The following TBC1D16 variants were observed in gnomAD, a reference collection of about 807,000 sequenced individuals.
The protein encoded by TBC1D16 is TBC1 domain family member 16.
Under a neutral mutation model 74.7 loss-of-function variants are expected in TBC1D16, and 58 were observed. The observed-to-expected ratio is 0.78, with a 90% CI of 0.63 to 0.97. The LOEUF (loss-of-function observed/expected upper bound fraction) is 0.97. Among genes scored for constraint, TBC1D16 ranks in the 50% least tolerant of loss-of-function variants. The pLI is 0.00. For synonymous variants in TBC1D16, 493 were observed against 474.7 expected, an observed-to-expected ratio of 1.04 and a Z score of -0.50; for missense variants, 1,014 against 1,079.5, an observed-to-expected ratio of 0.94 and a Z score of 0.85.
intron 3 of TBC1D16, among the ~76,000 whole-genome samples, chr17:79,955,019 G>A (rs1309319410): frequency 6.6e-6 from 1 of 152,108 alleles, no homozygotes; most frequent in Non-Finnish European, 1.5e-5. Context: ...GGCCGGAGCC[G>A]ATTTCAAACC....
At chr17:80,014,888 C>A (rs929613525) in intron 1 of TBC1D16, among the ~76,000 whole-genome samples, 2 of 152,208 alleles carry the variant, frequency 1.3e-5, no homozygotes, top group African/African-American at 2.4e-5. Context: ...AGGACACATT[C>A]ATGTGGGTAA....
At chr17:80,029,077 C>A (rs1453713681) in intron 1 of TBC1D16, among the ~76,000 whole-genome samples, 5 of 152,210 alleles carry the variant, frequency 3.3e-5, no homozygotes, top group Non-Finnish European at 1.5e-5. Context: ...AACTCCTCCA[C>A]CAGAGAGTCA....
chr17:79,979,574 C>T lies in TBC1D16; in HGVS notation c.780-26756G>A, dbSNP rs2034490090. Among the ~76,000 whole-genome samples the T allele has an allele frequency of 6.6e-6, 1 of 152,120 alleles. No homozygotes were observed. The highest frequency in any genetic ancestry group is 2.4e-5 in the African/African-American group (1 of 41,418). On this transcript the variant is annotated intron_variant, in intron 3 of 11. Coordinates refer to ENST00000310924, the MANE Select transcript of TBC1D16 (RefSeq NM_019020.4). The surrounding 1 kb of genome is among the most constrained non-coding windows in gnomAD (Gnocchi z 4.8). ...TTAGTATCCAAATACTTTTAGGGGA[C>T]AGAAAGACGCTCACGGTTCCTGTCG...
chr17:79,950,784 G>C lies in TBC1D16; in HGVS notation c.1090-206C>G, dbSNP rs1244969564. 1 of 1,536,144 alleles carries C rather than the reference G, an allele frequency of 6.5e-7. No individual in the cohort carries two copies. Among genetic ancestry groups the C allele is most frequent in the East Asian group, 2.4e-5 (1 of 40,918 alleles). On this transcript the variant is annotated intron_variant, in intron 5 of 11. Transcript: ENST00000310924. This position sits in a 1 kb window ranked among gnomAD's most constrained non-coding sequence, Gnocchi z 4.6. ...CATCTTAAAATCGGTTTCCCTCTGC[G>C]GCTCTCTCCTCCCCGGCCCACTGTG... is the stretch of plus-strand genomic sequence containing the variant.
In TBC1D16 at chr17:79,993,736, C is replaced by G. The variant is rs543619321; in HGVS notation, c.779+16424G>C. 1.3e-5 allele frequency: 2 copies of G among 152,368 alleles called. No homozygotes were observed. Among genetic ancestry groups the G allele is most frequent in the Admixed American group, 6.5e-5 (1 of 15,308 alleles). The allele number at this position is 152,368 out of a possible 1,614,324, so 9.4% of individuals were successfully genotyped here. ...ATCACTGCCTCTGGGAGCCCGTGAC[C>G]TCATGCTCAGAGCTCTCAGAAGCTC... On this transcript the variant is annotated intron_variant, in intron 3 of 11. Transcript: ENST00000310924. The surrounding 1 kb of genome is among the most constrained non-coding windows in gnomAD (Gnocchi z 5.1).
At position 79,944,777 on chromosome 17, in the gene TBC1D16, G is replaced by T; in HGVS notation, c.1908+131C>A. On this transcript the variant is annotated intron_variant, in intron 10 of 11. Coordinates refer to ENST00000310924, the MANE Select transcript of TBC1D16 (RefSeq NM_019020.4). The surrounding 1 kb of genome is among the most constrained non-coding windows in gnomAD (Gnocchi z 7.7). ...AGCCACGTGGGACGGGAAGGCAGTC[G>T]CCGTATGGGGGGCTAATGTGTGGCT... 1.2e-6 allele frequency: 1 copy of T among 830,432 alleles called. No individual in the cohort carries two copies. Among genetic ancestry groups the T allele is most frequent in the South Asian group, 1.8e-5 (1 of 54,612 alleles). 51.4% of individuals were successfully genotyped at this position (830,432 alleles called of 1,614,324 possible). A position where few individuals can be genotyped will look rare whatever the true frequency, so the allele number is the denominator to read the frequency against.
intron 2 of TBC1D16, among the ~76,000 whole-genome samples, chr17:80,012,821 T>TG (rs1389690072): frequency 6.6e-6 from 1 of 152,122 alleles, no homozygotes; most frequent in African/African-American, 2.4e-5. Flanking sequence ...TGCAGGACAC[T>TG]GGGGCCCTGA....
At chr17:79,949,031 G>A (rs201311368) in intron 7 of TBC1D16, 25 bp from the exon 8 acceptor site, 130 of 1,613,186 alleles carry the variant, frequency 8.1e-5, no homozygotes, top group Non-Finnish European at 1.0e-4. Flanking sequence ...GCACCCAGCC[G>A]GGGTCAGCGG....
Position 80,013,591 on chromosome 17 carries a change from A to C in TBC1D16, c.-44T>G. On this transcript the variant is annotated 5_prime_UTR_variant, in exon 2 of 12. Transcript: ENST00000310924. ...ATCCTCCGCATGCGTCGGCCCGGGC[A>C]GGGCTCGTCAAGACCTGCCTGGGGG... 2 of 1,451,400 alleles carry C rather than the reference A, an allele frequency of 1.4e-6. No individual in the cohort carries two copies. Among genetic ancestry groups the C allele is most frequent in the African/African-American group, 2.9e-5 (2 of 69,676 alleles). 89.9% of individuals were successfully genotyped at this position (1,451,400 alleles called of 1,614,324 possible).
intron 1 of TBC1D16, among the ~76,000 whole-genome samples, chr17:80,025,565 G>GCCTGCTGGGAGCACCCC (rs201194861): frequency 0.13 from 19,226 of 144,064 alleles, 1,787 homozygotes; most frequent in Non-Finnish European, 0.18. Flanking sequence ...TTCGGGGCCC[G>GCCTGCTGGGAGCACCCC]CCTGCTGGGA....
Position 79,993,573 on chromosome 17 carries a change from A to G in TBC1D16, c.779+16587T>C, listed in dbSNP as rs2035155925. ...TACGGGAGTCTTTCGACCGCAAGAC[A>G]AAAGGTCCTTTGCCCCCACTACCTG... On this transcript the variant is annotated intron_variant, in intron 3 of 11. Transcript: ENST00000310924. This position sits in a 1 kb window ranked among gnomAD's most constrained non-coding sequence, Gnocchi z 5.1. The G allele has an allele frequency of 6.6e-6, 1 of 152,248 alleles. No individual in the cohort carries two copies. The highest frequency in any genetic ancestry group is 2.1e-4 in the South Asian group (1 of 4,836). The allele number at this position is 152,248 out of a possible 1,614,324, so 9.4% of individuals were successfully genotyped here.
intron 1 of TBC1D16, among the ~76,000 whole-genome samples, chr17:80,025,428 G>C (rs1189603167): frequency 2.0e-5 from 3 of 149,980 alleles, no homozygotes; most frequent in Non-Finnish European, 2.9e-5. Context: ...CCTGTCACCG[G>C]GCGGCAGGAA....
chr17:79,947,622 G>T, intron 9 of TBC1D16, 23 bp downstream of exon 9: 1 of 1,612,094 alleles, frequency 6.2e-7, no homozygotes, highest in Non-Finnish European at 8.5e-7. Context: ...GCCCTTGGAC[G>T]CACCCATCCC....
At chr17:80,025,564 CG>C (rs1568650664) in intron 1 of TBC1D16, among the ~76,000 whole-genome samples, 14 of 148,108 alleles carry the variant, frequency 9.5e-5, no homozygotes, top group African/African-American at 3.6e-4. Context: ...CTTCGGGGCC[CG>C]CCTGCTGGGA....
chr17:79,949,142 C>A, intron 7 of TBC1D16, 136 bp from the exon 8 acceptor site: 1 of 1,125,232 alleles, frequency 8.9e-7, no homozygotes, highest in Non-Finnish European at 1.3e-6. Flanking sequence ...CTGCCGGCTG[C>A]AGACCCTCCC....
intron 3 of TBC1D16, among the ~76,000 whole-genome samples, chr17:79,978,691 T>G (rs191549150): frequency 6.6e-6 from 1 of 152,246 alleles, no homozygotes; most frequent in Non-Finnish European, 1.5e-5. Context: ...ACTCAGGACG[T>G]GCACGTGATG....
intron 3 of TBC1D16, among the ~76,000 whole-genome samples, chr17:79,998,125 C>CAAAAAA (rs901486919): frequency 1.9e-5 from 1 of 51,954 alleles, no homozygotes; most frequent in Non-Finnish European, 4.4e-5. Context: ...AACTCTGTCT[C>CAAAAAA]AAAAAAAAAA....
intron 1 of TBC1D16, among the ~76,000 whole-genome samples, chr17:80,030,671 CA>C (rs778677313): frequency 7.2e-5 from 11 of 152,232 alleles, no homozygotes; most frequent in Non-Finnish European, 1.6e-4. Context: ...ATGCAGCAGT[CA>C]GCAGGACAGA....
chr17:79,986,763 C>G lies in TBC1D16; in HGVS notation c.779+23397G>C, dbSNP rs974690892. Among the ~76,000 whole-genome samples, 3 of 152,186 alleles carry G rather than the reference C, an allele frequency of 2.0e-5. No individual in the cohort carries two copies. Among genetic ancestry groups the G allele is most frequent in the African/African-American group, 7.2e-5 (3 of 41,442 alleles). On this transcript the variant is annotated intron_variant, in intron 3 of 11. Coordinates refer to ENST00000310924, the MANE Select transcript of TBC1D16 (RefSeq NM_019020.4). The surrounding 1 kb of genome is among the most constrained non-coding windows in gnomAD (Gnocchi z 6.0). ...CCAAGGAAGGCTCTACACACCCGGC[C>G]CTCCTCAGAGCCTCAGCCCGCAGCG... is the stretch of plus-strand genomic sequence containing the variant.
Sources: gnomAD v4.1 joint callset for allele counts (sites outside exome capture counted in the v4.1 genomes callset) on GRCh38, gnomAD v4.1.1 for gene constraint, Gnocchi (gnomAD v3.1) non-coding constraint, MANE v1.5 for transcripts, NCBI Gene and HGNC (gene_info 2026-07-23, HGNC 2026-07-21) for gene names.